The following GRIK4 variants were observed in gnomAD, a reference collection of about 807,000 sequenced individuals.
GRIK4 encodes the protein glutamate receptor ionotropic, kainate 4.
Under a neutral mutation model 104.9 loss-of-function variants are expected in GRIK4, and 40 were observed. The ratio of observed to expected loss-of-function variants is 0.38; its 90% CI spans 0.30 to 0.50. The LOEUF (loss-of-function observed/expected upper bound fraction) is 0.50. Ranked by LOEUF, GRIK4 falls within the 20% of genes least tolerant of loss-of-function variation. The pLI, the probability that GRIK4 is intolerant of heterozygous loss-of-function variation, is 0.93. For synonymous variants in GRIK4, 485 were observed against 524.9 expected (o/e 0.92, Z 1.04); for missense variants, 1,047 against 1,308.1 (o/e 0.80, Z 3.08).
chr11:120,825,955 C>T (rs1011781849), intron 6 of GRIK4, among the ~76,000 whole-genome samples: 16 of 152,228 alleles, frequency 1.1e-4, no homozygotes, highest in South Asian at 4.2e-4. Flanking sequence ...TGCTGTCCCC[C>T]GGAGGCCCTG....
At chr11:120,924,519 A>G (rs899696031) in intron 13 of GRIK4, among the ~76,000 whole-genome samples, 6 of 152,142 alleles carry the variant, frequency 3.9e-5, no homozygotes, top group African/African-American at 1.2e-4. Flanking sequence ...TGTGTGATCA[A>G]TCACTGTCCG....
In GRIK4 at chr11:120,889,588, C is replaced by CTTTTTTTTTTTT. The variant is rs776440015; in HGVS notation, c.1165-8944_1165-8943insTTTTTTTTTTTT. ...AATAGAATAAAATAGAAAGAGCTTA[C>CTTTTTTTTTTTT]ATTTTTTTTTTTTTTTTTTTTTTTT... is the stretch of plus-strand genomic sequence containing the variant. On this transcript the variant is annotated intron_variant, in intron 11 of 20. Transcript: ENST00000527524. Among the ~76,000 whole-genome samples the CTTTTTTTTTTTT allele has an allele frequency of 9.7e-3, 650 of 67,028 alleles. 82 individuals are homozygous for CTTTTTTTTTTTT. Among genetic ancestry groups the CTTTTTTTTTTTT allele is most frequent in the East Asian group, 0.036 (63 of 1,750 alleles). 44.0% of individuals were successfully genotyped at this position (67,028 alleles called of 152,430 possible).
At chr11:120,738,904 T>G (rs1422900649) in intron 3 of GRIK4, among the ~76,000 whole-genome samples, 2 of 152,192 alleles carry the variant, frequency 1.3e-5, no homozygotes, top group African/African-American at 4.8e-5. Flanking sequence ...AGGCCAGAGC[T>G]TTTGGAGACG....
intron 3 of GRIK4, among the ~76,000 whole-genome samples, chr11:120,792,579 T>G (rs1379287064): frequency 1.3e-5 from 2 of 151,948 alleles, no homozygotes; most frequent in Non-Finnish European, 2.9e-5. Flanking sequence ...GGTGGTGGTG[T>G]TAAGACTGGA....
chr11:120,824,700 C>T (rs182790740), intron 6 of GRIK4, among the ~76,000 whole-genome samples: 320 of 151,874 alleles, frequency 2.1e-3, no homozygotes, highest in African/African-American at 7.4e-3. Flanking sequence ...TAGGCATGCA[C>T]CACCACGCCT....
intron 1 of GRIK4, among the ~76,000 whole-genome samples, chr11:120,600,205 C>T (rs979835281): frequency 6.6e-6 from 1 of 152,188 alleles, no homozygotes; most frequent in African/African-American, 2.4e-5. Flanking sequence ...CTTAAAGCTG[C>T]TCCTCCCACA....
At chr11:120,911,450 G>A (rs1416459212) in intron 13 of GRIK4, among the ~76,000 whole-genome samples, 4 of 148,624 alleles carry the variant, frequency 2.7e-5, no homozygotes, top group Non-Finnish European at 6.0e-5. Flanking sequence ...TGTTAGCCAG[G>A]ATGGTCTCGA....
chr11:120,861,938 TC>T lies in GRIK4; in HGVS notation c.745-20del. The T allele has an allele frequency of 6.2e-7, 1 of 1,600,636 alleles. No individual in the cohort carries two copies. Among genetic ancestry groups the T allele is most frequent in the African/African-American group, 1.3e-5 (1 of 74,828 alleles). ...ACCCCTTCCTAACTACATTCTTATTTCTGATGCTGGGTCTTTCCAGGAGTTC... is the reference window on the plus strand; with the variant it reads ...ACCCCTTCCTAACTACATTCTTATTTTGATGCTGGGTCTTTCCAGGAGTTC... On this transcript the variant is annotated intron_variant, in intron 8 of 20. Transcript: ENST00000527524.
chr11:120,899,735 G>T (rs562013367), intron 12 of GRIK4, among the ~76,000 whole-genome samples: 1 of 152,258 alleles, frequency 6.6e-6, no homozygotes, highest in African/African-American at 2.4e-5. Context: ...TAATTAGTTT[G>T]TTCCTCCCCT....
chr11:120,690,875 C>T (rs976541449), intron 3 of GRIK4, among the ~76,000 whole-genome samples: 2 of 152,290 alleles, frequency 1.3e-5, no homozygotes, highest in Admixed American at 6.5e-5. Context: ...GGCTCTGTCT[C>T]GCATATTTAT....
chr11:120,753,085 T>C lies in GRIK4; in HGVS notation c.83-49608T>C, dbSNP rs562468693. On this transcript the variant is annotated intron_variant, in intron 3 of 20. Transcript: ENST00000527524. ...TGAGGCATCACTGCTCACCTCATCG[T>C]GTCCTTTACAGGAGAGCAGCTGAGC... Among the ~76,000 whole-genome samples the C allele has an allele frequency of 2.0e-5, 3 of 152,360 alleles. No individual in the cohort carries two copies. The South Asian group carries it at 6.2e-4, about 32-fold the overall frequency.
intron 1 of GRIK4, among the ~76,000 whole-genome samples, chr11:120,623,992 T>G (rs1348471227): frequency 6.8e-6 from 1 of 147,330 alleles, no homozygotes; most frequent in Non-Finnish European, 1.5e-5. Context: ...TCCCTCTCCC[T>G]CTTCCTCCTC....
chr11:120,970,239 G>A (rs1033400886), intron 19 of GRIK4, among the ~76,000 whole-genome samples: 13 of 152,176 alleles, frequency 8.5e-5, no homozygotes, highest in Admixed American at 2.6e-4. Context: ...AACAGCTGAC[G>A]GAAGGCGTGT....
chr11:120,706,902 T>C (rs1379440223), intron 3 of GRIK4, among the ~76,000 whole-genome samples: 1 of 152,160 alleles, frequency 6.6e-6, no homozygotes, highest in African/African-American at 2.4e-5. Context: ...GATCACCATA[T>C]GAACGGACTG....
chr11:120,876,295 AC>A (rs1263814030), intron 11 of GRIK4, among the ~76,000 whole-genome samples: 12 of 73,402 alleles, frequency 1.6e-4, no homozygotes, highest in African/African-American at 6.8e-4. Flanking sequence ...CATCATCACC[AC>A]CACCACAACC....
At position 120,898,624 on chromosome 11, in the gene GRIK4, C is replaced by T. The variant is rs145645956; in HGVS notation, c.1257C>T (p.Val419=). The change falls in exon 12 of 21, where the codon GTC becomes GTT. Residue 419 remains valine, a synonymous_variant. Transcript: ENST00000527524. ...ISDTLFNTTL[V]VTTILENPYL... Reference sequence around the variant, plus strand: ...ACACTCTCTTCAACACCACCCTGGTCGTCACCACCATCCTGGTAAGTGGGC... The same window carrying T: ...ACACTCTCTTCAACACCACCCTGGTTGTCACCACCATCCTGGTAAGTGGGC... The T allele has an allele frequency of 9.2e-4, 1,475 of 1,602,764 alleles. 5 individuals are homozygous for T. The highest frequency in any genetic ancestry group is 1.0e-3 in the Non-Finnish European group (1,192 of 1,169,658).
intron 1 of GRIK4, among the ~76,000 whole-genome samples, chr11:120,512,402 GC>G (rs1298842623): frequency 6.7e-6 from 1 of 148,272 alleles, no homozygotes; most frequent in African/African-American, 2.5e-5. Context: ...ATCCCACCAA[GC>G]CCCCTCCCCC....
rs921640948 is a variant in GRIK4 at position 120,523,094 on chromosome 11, G to A, written c.-159+11207G>A. Among the ~76,000 whole-genome samples, 4 of 150,784 alleles carry A rather than the reference G, an allele frequency of 2.7e-5. 1 individual carries two copies. The South Asian group carries it at 8.5e-4, about 32-fold the overall frequency. ...TGCTCCTAGGAGGCTGGGTGGGGAT[G>A]CAGACACCCCATCAGGGGGCCAAAA... is the stretch of plus-strand genomic sequence containing the variant. On this transcript the variant is annotated intron_variant, in intron 1 of 20. Transcript: ENST00000527524.
At chr11:120,864,713 A>G (rs1307379272) in intron 9 of GRIK4, among the ~76,000 whole-genome samples, 1 of 152,168 alleles carries the variant, frequency 6.6e-6, no homozygotes, top group Non-Finnish European at 1.5e-5. Flanking sequence ...CTTCCTTTGC[A>G]TTGATGCTCA....
Sources: gnomAD v4.1 joint callset for allele counts (sites outside exome capture counted in the v4.1 genomes callset) on GRCh38, gnomAD v4.1.1 for gene constraint, MANE v1.5 for transcripts, NCBI Gene and HGNC (gene_info 2026-07-23, HGNC 2026-07-21) for gene names.